SLCO2A1: variants seen among roughly 807,000 people sequenced by gnomAD.
SLCO2A1 encodes matrin F/G 1.
A neutral mutation model predicts 71.7 loss-of-function variants in SLCO2A1; 60 were observed. That is an observed-to-expected ratio of 0.84 (90% CI 0.68 to 1.04). The LOEUF (loss-of-function observed/expected upper bound fraction) is 1.04. SLCO2A1 is among the 50% of genes least tolerant of loss of function. The pLI is 0.00. For synonymous variants in SLCO2A1, 308 were observed against 326.7 expected (o/e 0.94, Z 0.62); for missense variants, 745 against 813.4 (o/e 0.92, Z 1.02).
intron 4 of SLCO2A1, among the ~76,000 whole-genome samples, chr3:133,954,485 G>A (rs963872297): frequency 2.0e-5 from 3 of 152,176 alleles, no homozygotes; most frequent in Non-Finnish European, 4.4e-5. Context: ...TCGAAGGGAA[G>A]GATTTGGGCA....
intron 1 of SLCO2A1, among the ~76,000 whole-genome samples, chr3:134,006,866 G>C (rs1261202712): frequency 2.0e-5 from 3 of 152,160 alleles, no homozygotes; most frequent in African/African-American, 7.2e-5. Context: ...ATCATATTAT[G>C]ACTCTACTTT....
At chr3:133,991,932 C>T (rs1934855854) in intron 1 of SLCO2A1, among the ~76,000 whole-genome samples, 1 of 152,230 alleles carries the variant, frequency 6.6e-6, no homozygotes, top group Admixed American at 6.5e-5. Flanking sequence ...GGAGGACTGG[C>T]ACATCTGTCC....
At chr3:134,017,097 T>C (rs991482751) in intron 1 of SLCO2A1, among the ~76,000 whole-genome samples, 7 of 152,184 alleles carry the variant, frequency 4.6e-5, no homozygotes, top group African/African-American at 1.7e-4. Context: ...CTCGTGGTGA[T>C]GGAATAGTTC....
chr3:134,028,920 T>C (rs1040917612), intron 1 of SLCO2A1, among the ~76,000 whole-genome samples: 1 of 152,186 alleles, frequency 6.6e-6, no homozygotes, highest in Non-Finnish European at 1.5e-5. Flanking sequence ...TCCGACCCCA[T>C]GGGAAAGGTG....
intron 1 of SLCO2A1, among the ~76,000 whole-genome samples, chr3:134,008,208 T>C (rs1935260391): frequency 6.6e-6 from 1 of 152,170 alleles, no homozygotes; most frequent in South Asian, 2.1e-4. Context: ...CTCTACCCCA[T>C]TCTCTCTCAC....
intron 3 of SLCO2A1, among the ~76,000 whole-genome samples, chr3:133,969,512 A>G (rs374414008): frequency 6.6e-6 from 1 of 152,012 alleles, no homozygotes; most frequent in African/African-American, 2.4e-5. Flanking sequence ...CCAGCCTCCC[A>G]AGTAGCTGGG....
At chr3:133,971,131 C>T (rs917157119) in intron 3 of SLCO2A1, among the ~76,000 whole-genome samples, 1 of 152,240 alleles carries the variant, frequency 6.6e-6, no homozygotes. Context: ...AGGCCCTCCC[C>T]TCGGCCTGGC....
chr3:134,022,055 T>C lies in SLCO2A1; in HGVS notation c.96+7652A>G, dbSNP rs375209920. The stretch of plus-strand genomic sequence containing the variant: ...TGAGCACACCTCACCAGTTCAGAAG[T>C]ATCCTAAAGGAAAAAAAAAAAAAGA... On this transcript the variant is annotated intron_variant, in intron 1 of 13. Transcript: ENST00000310926. 1.9e-4 allele frequency among the ~76,000 whole-genome samples: 28 copies of C among 144,214 alleles called. No homozygotes were observed. In the East Asian group the frequency reaches 5.0e-3, roughly 26 times the overall value. The allele number at this position is 144,214 out of a possible 152,430, so 94.6% of individuals were successfully genotyped here.
At position 134,003,912 on chromosome 3, in the gene SLCO2A1, C is replaced by T. The variant is rs146068775; in HGVS notation, c.97-24294G>A. Among the ~76,000 whole-genome samples the T allele has an allele frequency of 1.4e-4, 22 of 152,226 alleles. No individual in the cohort carries two copies. In the East Asian group the frequency reaches 4.2e-3, roughly 29 times the overall value. ...GGCCTTTAAAGCAGAGGTTGAGAGA[C>T]AGACAGAAGGAGAGAGAGGGAAAAA... On this transcript the variant is annotated intron_variant, in intron 1 of 13. Transcript: ENST00000310926.
At chr3:133,980,941 T>G (rs1376156881) in intron 1 of SLCO2A1, among the ~76,000 whole-genome samples, 1 of 152,246 alleles carries the variant, frequency 6.6e-6, no homozygotes, top group East Asian at 1.9e-4. Flanking sequence ...GAAGGAAGCC[T>G]GCCTGTCTGG....
chr3:134,029,668 C>A (rs1054228314), intron 1 of SLCO2A1, 39 bp downstream of exon 1: 4 of 1,508,642 alleles, frequency 2.7e-6, no homozygotes, highest in Non-Finnish European at 3.6e-6. Flanking sequence ...GTGCGCCAGG[C>A]GCGGCTCCGG....
chr3:134,021,629 G>A (rs186607926), intron 1 of SLCO2A1, among the ~76,000 whole-genome samples: 1 of 151,810 alleles, frequency 6.6e-6, no homozygotes, highest in Non-Finnish European at 1.5e-5. Flanking sequence ...GACAGACAAA[G>A]AGGGAGTCAA....
At chr3:133,966,838 C>A (rs770605838) in intron 3 of SLCO2A1, among the ~76,000 whole-genome samples, 2 of 152,220 alleles carry the variant, frequency 1.3e-5, no homozygotes, top group African/African-American at 2.4e-5. Context: ...CTAAGTGTGG[C>A]AGCAAGAGCA....
At chr3:133,960,953 G>C (rs1934021542) in intron 3 of SLCO2A1, among the ~76,000 whole-genome samples, 1 of 151,944 alleles carries the variant, frequency 6.6e-6, no homozygotes, top group African/African-American at 2.4e-5. Context: ...TCAGATGCGG[G>C]GGTGGTACAT....
chr3:133,975,356 G>A (rs535526068), intron 2 of SLCO2A1, among the ~76,000 whole-genome samples: 6 of 152,058 alleles, frequency 3.9e-5, no homozygotes, highest in Admixed American at 3.3e-4. Context: ...ATATCTAATC[G>A]ATCAGCAAAT....
intron 1 of SLCO2A1, among the ~76,000 whole-genome samples, chr3:134,022,427 A>T (rs947128735): frequency 2.0e-5 from 3 of 152,174 alleles, no homozygotes; most frequent in Admixed American, 2.0e-4. Flanking sequence ...GTTAAAAAAA[A>T]TTATTGTTTT....
chr3:133,941,437 A>T (rs1576426130), intron 11 of SLCO2A1, among the ~76,000 whole-genome samples: 1 of 152,042 alleles, frequency 6.6e-6, no homozygotes, highest in Non-Finnish European at 1.5e-5. Flanking sequence ...GTTAGGCAAC[A>T]CCCTAACACA....
intron 1 of SLCO2A1, among the ~76,000 whole-genome samples, chr3:133,995,021 T>C (rs1369248563): frequency 6.6e-6 from 1 of 152,126 alleles, no homozygotes; most frequent in African/African-American, 2.4e-5. Flanking sequence ...ACTCATCTTT[T>C]AAAAATGCAT....
intron 1 of SLCO2A1, among the ~76,000 whole-genome samples, chr3:134,000,969 C>T (rs577650908): frequency 6.6e-6 from 1 of 152,332 alleles, no homozygotes; most frequent in African/African-American, 2.4e-5. Context: ...CCTAACAGAA[C>T]TTCTCTTGCT....
Sources: allele counts gnomAD v4.1 joint callset (sites outside exome capture counted in the v4.1 genomes callset), GRCh38; gene constraint gnomAD v4.1.1; transcripts MANE v1.5; gene names NCBI Gene and HGNC (gene_info 2026-07-23, HGNC 2026-07-21).